The following FBXL2 variants were observed in gnomAD, a reference collection of about 807,000 sequenced individuals.
FBXL2 encodes the protein F-box/LRR-repeat protein 2.
A neutral mutation model predicts 69.2 loss-of-function variants in FBXL2; 38 were observed. The observed-to-expected ratio is 0.55, with a 90% CI of 0.42 to 0.72. FBXL2 has a LOEUF of 0.72. Among genes scored for constraint, FBXL2 ranks in the 30% least tolerant of loss-of-function variants. The pLI, the probability that FBXL2 is intolerant of heterozygous loss-of-function variation, is 0.00. For synonymous variants in FBXL2, 192 were observed against 201.3 expected (o/e 0.95, Z 0.39); for missense variants, 354 against 520.3 (o/e 0.68, Z 3.11).
At chr3:33,389,695 G>A (rs1257504281), downstream of FBXL2, 1 of 152,542 alleles carries the variant, frequency 6.6e-6, no homozygotes, top group Non-Finnish European at 1.5e-5. Context: ...CTCTCACCAA[G>A]GTACTCCTGA....
At chr3:33,298,165 C>A (rs1336452339) in intron 2 of FBXL2, among the ~76,000 whole-genome samples, 1 of 152,146 alleles carries the variant, frequency 6.6e-6, no homozygotes, top group African/African-American at 2.4e-5. Context: ...ACTTAAAATG[C>A]TGTCAACCCC....
intron 2 of FBXL2, among the ~76,000 whole-genome samples, chr3:33,327,378 G>A (rs538661152): frequency 3.3e-5 from 5 of 151,556 alleles, no homozygotes; most frequent in East Asian, 3.9e-4. Context: ...TCCTCTATAC[G>A]TTATTGCTTC....
chr3:33,293,799 AC>A (rs1257421270), intron 1 of FBXL2, among the ~76,000 whole-genome samples: 1 of 152,232 alleles, frequency 6.6e-6, no homozygotes, highest in Non-Finnish European at 1.5e-5. Flanking sequence ...TCAGTACCAT[AC>A]TTTCAATAAT....
intron 12 of FBXL2, among the ~76,000 whole-genome samples, chr3:33,394,198 T>C (rs1010103400): frequency 1.6e-5 from 2 of 125,282 alleles, no homozygotes; most frequent in African/African-American, 9.7e-5. Context: ...ATTTTTATTA[T>C]TATTATTATT....
chr3:33,347,687 T>C (rs987171423), intron 2 of FBXL2, among the ~76,000 whole-genome samples: 3 of 152,182 alleles, frequency 2.0e-5, no homozygotes, highest in African/African-American at 7.2e-5. Context: ...GCATTTGTTA[T>C]TGTCTGATTT....
chr3:33,296,977 T>C (rs1208310000), intron 1 of FBXL2, among the ~76,000 whole-genome samples: 1 of 152,196 alleles, frequency 6.6e-6, no homozygotes. Context: ...ATAGATTAGT[T>C]TAGGAAGCGT....
At chr3:33,296,190 T>A (rs1227015640) in intron 1 of FBXL2, among the ~76,000 whole-genome samples, 1 of 152,098 alleles carries the variant, frequency 6.6e-6, no homozygotes, top group Non-Finnish European at 1.5e-5. Context: ...CTCAGCCTCC[T>A]GAGTAACTGG....
intron 1 of FBXL2, among the ~76,000 whole-genome samples, chr3:33,285,023 T>G (rs7625576): frequency 0.41 from 61,860 of 151,984 alleles, 14,112 homozygotes; most frequent in East Asian, 0.6. Context: ...TTTAATTGGA[T>G]CATTTAGCCC....
intron 2 of FBXL2, among the ~76,000 whole-genome samples, chr3:33,305,319 G>T (rs1452484420): frequency 1.3e-5 from 2 of 151,664 alleles, no homozygotes; most frequent in Admixed American, 6.6e-5. Context: ...ATACATTTTT[G>T]TTTTCTTTTG....
chr3:33,315,107 C>G lies in FBXL2; in HGVS notation c.65+17382C>G, dbSNP rs550672460. ...AGATGTGTGCTCAAAAGTCAAGATTCATTAGAATTACTATTTTGTTTCTGC... is the reference window on the plus strand; with the variant it reads ...AGATGTGTGCTCAAAAGTCAAGATTGATTAGAATTACTATTTTGTTTCTGC... On this transcript the variant is annotated intron_variant, in intron 2 of 14. Transcript: ENST00000484457. Among the ~76,000 whole-genome samples, 6 of 152,256 alleles carry G rather than the reference C, an allele frequency of 3.9e-5. No homozygotes were observed. The South Asian group carries it at 1.2e-3, about 32-fold the overall frequency.
At chr3:33,315,188 C>CTTTCT (rs554629778) in intron 2 of FBXL2, among the ~76,000 whole-genome samples, 4 of 151,584 alleles carry the variant, frequency 2.6e-5, no homozygotes, top group East Asian at 1.9e-4. Flanking sequence ...TCATTCTTTC[C>CTTTCT]TTTCTTTTCT....
At chr3:33,408,298 T>C (rs1430082746), downstream of FBXL2, among the ~76,000 whole-genome samples, 1 of 152,160 alleles carries the variant, frequency 6.6e-6, no homozygotes, top group African/African-American at 2.4e-5. Flanking sequence ...AAGACCCTTT[T>C]CAGTTACACA....
intron 2 of FBXL2, among the ~76,000 whole-genome samples, chr3:33,341,219 A>G (rs1035684874): frequency 6.6e-6 from 1 of 152,202 alleles, no homozygotes; most frequent in Non-Finnish European, 1.5e-5. Flanking sequence ...TATAGATCCA[A>G]CTACCAATTT....
rs184837357 is a variant in FBXL2, at chr3:33,354,176, G to A, written c.66-4791G>A. The stretch of plus-strand genomic sequence containing the variant: ...GGGGAACTATGTGTGTCTGTTGGTG[G>A]GGGTGTATATAGTAACTCTCTATAC... On this transcript the variant is annotated intron_variant, in intron 2 of 14. Coordinates refer to ENST00000484457, the MANE Select transcript of FBXL2 (RefSeq NM_012157.5). Among the ~76,000 whole-genome samples, 694 of 152,042 alleles carry A rather than the reference G, an allele frequency of 4.6e-3. 4 individuals carry two copies. Among genetic ancestry groups the A allele is most frequent in the African/African-American group, 0.016 (649 of 41,472 alleles).
intron 2 of FBXL2, among the ~76,000 whole-genome samples, chr3:33,348,455 T>A (rs929699070): frequency 6.6e-6 from 1 of 152,198 alleles, no homozygotes; most frequent in Admixed American, 6.5e-5. Flanking sequence ...CCTCCAGTTT[T>A]GTTCTTTTTG....
At chr3:33,277,407 C>A, upstream of FBXL2, 1 of 1,193,520 alleles carries the variant, frequency 8.4e-7, no homozygotes, top group Non-Finnish European at 1.1e-6. Context: ...CGCCTCCGAG[C>A]CCACCTTGGG....
At chr3:33,408,861 T>C in the FBXL2 span, 2 of 1,359,230 alleles carry the variant, frequency 1.5e-6, no homozygotes, top group Non-Finnish European at 2.1e-6. Flanking sequence ...TCTAACACCC[T>C]GTTTCATGTC....
rs1398897456 is a variant in FBXL2, at chr3:33,378,753, T to A, written c.951+12T>A. Reference sequence around the variant, plus strand: ...AACTGCAAGCCCTGGTGAGTCTGAGTTTTTCTGACATTATTCACCTGTTAA... The same window carrying A: ...AACTGCAAGCCCTGGTGAGTCTGAGATTTTCTGACATTATTCACCTGTTAA... On this transcript the variant is annotated intron_variant, in intron 13 of 14. Transcript: ENST00000484457. 3 of 1,613,774 alleles carry A rather than the reference T, an allele frequency of 1.9e-6. No homozygotes were observed. The African/African-American group carries it at 4.0e-5, about 22-fold the overall frequency.
chr3:33,345,801 A>G (rs770451638), intron 2 of FBXL2, among the ~76,000 whole-genome samples: 12 of 152,258 alleles, frequency 7.9e-5, no homozygotes, highest in Non-Finnish European at 1.5e-4. Flanking sequence ...ACATGGGTCA[A>G]AGAAAAGGTC....
Sources: gnomAD v4.1 joint callset for allele counts (sites outside exome capture counted in the v4.1 genomes callset) on GRCh38, gnomAD v4.1.1 for gene constraint, MANE v1.5 for transcripts, NCBI Gene and HGNC (gene_info 2026-07-23, HGNC 2026-07-21) for gene names.